PCNX2: variants seen among roughly 807,000 people sequenced by gnomAD.
PCNX2 encodes pecanex-like protein 2.
PCNX2 carries 168 observed loss-of-function variants against 223.8 expected under a neutral mutation model. That is an observed-to-expected ratio of 0.75 (90% CI 0.66 to 0.85). PCNX2 has a LOEUF of 0.85. Among genes scored for constraint, PCNX2 ranks in the 40% least tolerant of loss-of-function variants. PCNX2 has a pLI of 0.00. For synonymous variants in PCNX2, 1,006 were observed against 1,052.6 expected, an observed-to-expected ratio of 0.96 and a Z score of 0.86; for missense variants, 2,507 against 2,675.5, an observed-to-expected ratio of 0.94 and a Z score of 1.39.
chr1:233,161,449 T>C (rs1429364137), intron 17 of PCNX2, 86 bp from the exon 18 acceptor site: 2 of 1,136,768 alleles, frequency 1.8e-6, no homozygotes, highest in Non-Finnish European at 1.3e-6. Context: ...AGCAGGACAT[T>C]GACCCAAGAT....
intron 32 of PCNX2, among the ~76,000 whole-genome samples, chr1:232,989,097 G>A (rs942552638): frequency 3.3e-5 from 5 of 152,100 alleles, no homozygotes; most frequent in African/African-American, 1.2e-4. Context: ...TGTGAGTTGA[G>A]TCTTGGTGAC....
At chr1:233,235,957 AATATAT>A (rs1553319644) in intron 9 of PCNX2, among the ~76,000 whole-genome samples, 13 of 93,112 alleles carry the variant, frequency 1.4e-4, no homozygotes, top group Admixed American at 6.0e-4. Flanking sequence ...CATAAAAAAA[AATATAT>A]ATATATATAT....
rs1678389136 is a variant in PCNX2, at chr1:233,160,279, T to C, written c.3517+4A>G. 1 of 1,607,684 alleles carries C rather than the reference T, an allele frequency of 6.2e-7. No homozygotes were observed. The highest frequency in any genetic ancestry group is 1.3e-5 in the African/African-American group (1 of 74,632). ...TTTTTTTAAATGAGGGATATATTACTAACCTCTCACTTCCCGTTGATGATA... is the reference window on the plus strand; with the variant it reads ...TTTTTTTAAATGAGGGATATATTACCAACCTCTCACTTCCCGTTGATGATA... On this transcript the variant is annotated splice_donor_region_variant and intron_variant, in intron 19 of 33. Coordinates refer to ENST00000258229, the MANE Select transcript of PCNX2 (RefSeq NM_014801.4).
intron 12 of PCNX2, chr1:233,210,540 A>C: frequency 1.0e-6 from 1 of 972,940 alleles, no homozygotes; most frequent in Non-Finnish European, 1.2e-6. Flanking sequence ...TGGCCTCCCA[A>C]AGTGCTGGGA....
chr1:233,032,841 A>G, intron 25 of PCNX2: 1 of 375,578 alleles, frequency 2.7e-6, no homozygotes, highest in South Asian at 1.1e-4. Flanking sequence ...GTAGCTGCCA[A>G]CAGTTGAAAA....
intron 19 of PCNX2, among the ~76,000 whole-genome samples, chr1:233,147,176 C>T (rs988129760): frequency 2.0e-5 from 3 of 152,090 alleles, no homozygotes; most frequent in Admixed American, 6.6e-5. Flanking sequence ...GAGACACCAA[C>T]GCTTGCACAG....
In PCNX2 at chr1:233,263,174, G is replaced by T; in HGVS notation, c.154-11C>A. 6.5e-7 allele frequency: 1 copy of T among 1,541,868 alleles called. No individual in the cohort carries two copies. The highest frequency in any genetic ancestry group is 8.8e-7 in the Non-Finnish European group (1 of 1,139,812). ...ATTTGGAGGAAAAGCCTGAAGAAAG[G>T]AAAAGACAGAGAAAAATCATTTGCT... On this transcript the variant is annotated splice_polypyrimidine_tract_variant and intron_variant, in intron 1 of 33. Coordinates refer to ENST00000258229, the MANE Select transcript of PCNX2 (RefSeq NM_014801.4).
chr1:233,029,691 A>G (rs1296858660), intron 25 of PCNX2, among the ~76,000 whole-genome samples: 1 of 151,820 alleles, frequency 6.6e-6, no homozygotes, highest in Non-Finnish European at 1.5e-5. Flanking sequence ...TTTGTTTTTG[A>G]TTTTTCTTTA....
At chr1:233,220,319 C>T (rs1247875156) in intron 10 of PCNX2, among the ~76,000 whole-genome samples, 3 of 152,164 alleles carry the variant, frequency 2.0e-5, no homozygotes, top group Non-Finnish European at 2.9e-5. Flanking sequence ...ATTGTTAGAT[C>T]GTGTGGTGAA....
chr1:233,217,826 T>C, intron 12 of PCNX2, 73 bp downstream of exon 12: 2 of 1,571,444 alleles, frequency 1.3e-6, no homozygotes, highest in Non-Finnish European at 1.7e-6. Flanking sequence ...GCCCTTTGAC[T>C]AGATTTTGGC....
At chr1:233,186,068 G>T (rs1680078752) in intron 15 of PCNX2, among the ~76,000 whole-genome samples, 1 of 152,182 alleles carries the variant, frequency 6.6e-6, no homozygotes, top group African/African-American at 2.4e-5. Flanking sequence ...TTTCTCCTTA[G>T]AAGTTTTAGA....
intron 21 of PCNX2, among the ~76,000 whole-genome samples, chr1:233,130,915 G>A (rs1473156450): frequency 6.6e-6 from 1 of 152,058 alleles, no homozygotes; most frequent in Non-Finnish European, 1.5e-5. Flanking sequence ...CAGGGCCTGG[G>A]CCCTCTGGAA....
At chr1:233,239,404 T>C (rs1658622267) in intron 8 of PCNX2, among the ~76,000 whole-genome samples, 2 of 152,198 alleles carry the variant, frequency 1.3e-5, no homozygotes, top group African/African-American at 4.8e-5. Flanking sequence ...CCATATTTCT[T>C]AGTACATTTC....
chr1:233,170,454 T>G (rs12032836), intron 17 of PCNX2, among the ~76,000 whole-genome samples: 11,942 of 152,218 alleles, frequency 0.078, 684 homozygotes, highest in East Asian at 0.31. Flanking sequence ...ATTTGTGAAG[T>G]GTATGTACAA....
chr1:233,286,839 C>G (rs1036670220), intron 1 of PCNX2, among the ~76,000 whole-genome samples: 1 of 152,040 alleles, frequency 6.6e-6, no homozygotes, highest in Non-Finnish European at 1.5e-5. Context: ...AAACATCAGT[C>G]AACGCATGAG....
rs1260050101 is a variant in PCNX2, at chr1:233,001,562, A to G, written c.5072T>C (p.Ile1691Thr). The G allele has an allele frequency of 2.2e-5, 32 of 1,471,120 alleles. No individual in the cohort carries two copies. Among genetic ancestry groups the G allele is most frequent in the Non-Finnish European group, 2.6e-5 (29 of 1,099,912 alleles). 91.1% of individuals were successfully genotyped at this position (1,471,120 alleles called of 1,614,324 possible). Residue 1691 changes from isoleucine (I) to threonine (T), a missense_variant, in exon 29 of 34, where the codon ATC becomes ACC. Around this residue, in one of 3 missense-constraint regions of PCNX2, gnomAD observed 1,372 missense variants for 1,509.4 expected, o/e 0.91. Transcript: ENST00000258229. This position sits in a 1 kb window ranked among gnomAD's most constrained non-coding sequence, Gnocchi z 4.2. Reference protein sequence around the residue: ...DLLHKVVAPAIRMSLKLHQDQ... With the variant: ...DLLHKVVAPATRMSLKLHQDQ... Reference sequence around the variant, plus strand: ...CTGGTGAAGTTTCAGGGACATCCTGATAGCTGGAGCTACAACTTTATGCAG... The same window carrying G: ...CTGGTGAAGTTTCAGGGACATCCTGGTAGCTGGAGCTACAACTTTATGCAG...
upstream of PCNX2, among the ~76,000 whole-genome samples, chr1:233,298,281 C>G (rs1156496743): frequency 6.6e-6 from 1 of 152,122 alleles, no homozygotes; most frequent in Non-Finnish European, 1.5e-5. Context: ...AAGAACAATT[C>G]AAGAAGGACG....
At chr1:233,123,305 G>A (rs1273658023) in intron 21 of PCNX2, among the ~76,000 whole-genome samples, 1 of 152,072 alleles carries the variant, frequency 6.6e-6, no homozygotes, top group Non-Finnish European at 1.5e-5. Context: ...CATCTGGCCG[G>A]GCGCGGTGGC....
At chr1:233,180,553 T>C (rs1679731911) in intron 15 of PCNX2, among the ~76,000 whole-genome samples, 1 of 152,212 alleles carries the variant, frequency 6.6e-6, no homozygotes, top group South Asian at 2.1e-4. Context: ...GTGGTGCTTA[T>C]AATGAAATCT....
Sources: allele counts gnomAD v4.1 joint callset (sites outside exome capture counted in the v4.1 genomes callset), GRCh38; gene constraint gnomAD v4.1.1; regional missense constraint gnomAD v4.1.1; non-coding constraint Gnocchi (gnomAD v3.1); transcripts MANE v1.5; gene names NCBI Gene and HGNC (gene_info 2026-07-23, HGNC 2026-07-21).